The following NT5DC4 variants were observed in gnomAD, a reference collection of about 807,000 sequenced individuals.
NT5DC4 encodes 5'-nucleotidase domain-containing protein 4.
In NT5DC4, 44 loss-of-function variants were observed where a neutral mutation model predicts 26.6. The ratio of observed to expected loss-of-function variants is 1.65; its 90% CI spans 1.30 to 2.13. NT5DC4 has a LOEUF of 2.13. NT5DC4 is among the 30% of genes most tolerant of loss of function. NT5DC4 has a pLI of 0.00. For synonymous variants in NT5DC4, 157 were observed against 86.7 expected (o/e 1.81, Z -4.51); for missense variants, 399 against 228.1 (o/e 1.75, Z -4.83).
At chr2:112,726,130 G>A in intron 13 of NT5DC4, 108 bp from the exon 14 acceptor site, 1 of 696,292 alleles carries the variant, frequency 1.4e-6, no homozygotes, top group Non-Finnish European at 2.7e-6. Context: ...TATGCACACA[G>A]CTCAGGGTGT....
chr2:112,719,293 G>A (rs533346174), upstream of NT5DC4, among the ~76,000 whole-genome samples: 16 of 152,256 alleles, frequency 1.1e-4, no homozygotes, highest in South Asian at 2.5e-3. Context: ...ACTGTTGGGC[G>A]GAACATCGTT....
chr2:112,722,136 G>A (rs764762641), intron 3 of NT5DC4, 33 bp downstream of exon 3: 3 of 708,484 alleles, frequency 4.2e-6, no homozygotes, highest in Admixed American at 2.0e-5. Flanking sequence ...GAGGCCACCC[G>A]GCCTTGGTAC....
At chr2:112,727,054 A>G (rs144796524) in intron 15 of NT5DC4, 28 of 398,074 alleles carry the variant, frequency 7.0e-5, no homozygotes, top group African/African-American at 5.6e-4. Context: ...CTGACTAGCC[A>G]GTTCTGATAG....
Position 112,723,975 on chromosome 2 carries a change from G to A in NT5DC4, c.757-119G>A. On this transcript the variant is annotated intron_variant, in intron 9 of 16. Transcript: ENST00000688554. The stretch of plus-strand genomic sequence containing the variant: ...TGGCCTTTCAAGGCCTCAGAAGAAT[G>A]AGCAACTTTCTCACCATCTTGCTCC... 4.3e-6 allele frequency: 3 copies of A among 704,180 alleles called. No homozygotes were observed. In the South Asian group the frequency reaches 4.5e-5, roughly 11 times the overall value. 43.6% of individuals were successfully genotyped at this position (704,180 alleles called of 1,614,324 possible). A position where few individuals can be genotyped will look rare whatever the true frequency, so the allele number is the denominator to read the frequency against.
rs773063927 is a variant in NT5DC4, at chr2:112,723,728, C to T, written c.682C>T (p.Pro228Ser). The T allele has an allele frequency of 1.4e-4, 100 of 717,214 alleles. No individual in the cohort carries two copies. The Middle Eastern group carries it at 1.6e-3, about 11-fold the overall frequency. 44.4% of individuals were successfully genotyped at this position (717,214 alleles called of 1,614,324 possible). A position where few individuals can be genotyped will look rare whatever the true frequency, so the allele number is the denominator to read the frequency against. The change falls in exon 9 of 17, where the codon CCC (proline) becomes TCC (serine). Residue 228 changes from proline (P) to serine (S), a missense_variant. Transcript: ENST00000688554. ...TCTATCTCTGCCCCAGCCACGCCTC[C>T]CCATCCTGCTGGGGAAGATGAAGGA... ...EKYVKKDPRL[P>S]ILLGKMKEVG...
At chr2:112,734,169 ATGTGTGTGTGTGTGTG>A (rs59851361) in intron 16 of NT5DC4, among the ~76,000 whole-genome samples, 2 of 134,786 alleles carry the variant, frequency 1.5e-5, no homozygotes, top group Admixed American at 1.5e-4. Flanking sequence ...TATTATATAT[ATGTGTGTGTGTGTGTG>A]TGTGTGTGTG....
chr2:112,732,654 C>T (rs1678624868), intron 16 of NT5DC4, among the ~76,000 whole-genome samples: 1 of 152,196 alleles, frequency 6.6e-6, no homozygotes. Context: ...TCTCAGAATT[C>T]CTACCCAGGG....
chr2:112,722,912 G>A (rs1677113748), intron 6 of NT5DC4, 141 bp downstream of exon 6: 3 of 161,448 alleles, frequency 1.9e-5, no homozygotes, highest in East Asian at 1.3e-4. Context: ...TCTATTGCAG[G>A]CTAGCACACA....
chr2:112,725,057 C>G, intron 11 of NT5DC4, 117 bp from the exon 12 acceptor site: 1 of 652,524 alleles, frequency 1.5e-6, no homozygotes. Context: ...TCTGCTGCCT[C>G]CTTCCTCCCA....
intron 16 of NT5DC4, among the ~76,000 whole-genome samples, chr2:112,734,201 G>GTGTA (rs1558742647): frequency 6.6e-6 from 1 of 151,864 alleles, no homozygotes; most frequent in African/African-American, 2.4e-5. Flanking sequence ...GTGTGTGTGT[G>GTGTA]TACATTAGTC....
chr2:112,726,336 TGGAG>T (rs1414769763), intron 14 of NT5DC4, 47 bp downstream of exon 14: 2 of 716,742 alleles, frequency 2.8e-6, no homozygotes, highest in South Asian at 3.0e-5. Flanking sequence ...GGGAGAGGTA[TGGAG>T]GGGCAGTGGC....
intron 16 of NT5DC4, among the ~76,000 whole-genome samples, chr2:112,730,852 T>A (rs1367001462): frequency 1.3e-5 from 2 of 152,202 alleles, no homozygotes; most frequent in Non-Finnish European, 2.9e-5. Flanking sequence ...TTCACAGGCT[T>A]TAATCAGTGG....
chr2:112,731,860 A>C (rs926351981), intron 16 of NT5DC4, among the ~76,000 whole-genome samples: 7 of 151,994 alleles, frequency 4.6e-5, no homozygotes, highest in African/African-American at 1.7e-4. Flanking sequence ...AACAATGGCA[A>C]CACTTAGATA....
intron 4 of NT5DC4, 49 bp from the exon 5 acceptor site, chr2:112,722,434 T>C: frequency 2.8e-6 from 2 of 716,478 alleles, no homozygotes; most frequent in Non-Finnish European, 5.2e-6. Context: ...GGCCAGAGCC[T>C]GGACAGGCCT....
chr2:112,719,777 C>T (rs761300208), upstream of NT5DC4, among the ~76,000 whole-genome samples: 27 of 151,852 alleles, frequency 1.8e-4, no homozygotes, highest in Non-Finnish European at 3.1e-4. Flanking sequence ...AGCCACTGCG[C>T]CAGGCCCTTT....
rs76587127 is a variant in NT5DC4 at position 112,738,745 on chromosome 2, T to C, written c.1345-168T>C. The stretch of plus-strand genomic sequence containing the variant: ...CTGCATCCATGATGCCTCTCTTTTT[T>C]TCCAGGTCACTTGGACAAGAATATT... On this transcript the variant is annotated intron_variant, in intron 16 of 16. Coordinates refer to ENST00000688554, the MANE Select transcript of NT5DC4 (RefSeq NM_001393655.1). The C allele has an allele frequency of 8.6e-4, 828 of 965,864 alleles. 6 individuals carry two copies. The African/African-American group carries it at 0.011, about 12-fold the overall frequency. 59.8% of individuals were successfully genotyped at this position (965,864 alleles called of 1,614,324 possible).
chr2:112,725,930 G>A (rs1188678629), intron 13 of NT5DC4, among the ~76,000 whole-genome samples: 1 of 149,308 alleles, frequency 6.7e-6, no homozygotes, highest in Non-Finnish European at 1.5e-5. Flanking sequence ...ATCCTCCAGG[G>A]CAGGGAGTTG....
chr2:112,739,418 T>A (rs1283739699), downstream of NT5DC4, among the ~76,000 whole-genome samples: 4 of 151,950 alleles, frequency 2.6e-5, no homozygotes, highest in Non-Finnish European at 5.9e-5. Context: ...AAGACCCCAG[T>A]CTCAAAAAAA....
In NT5DC4 at chr2:112,723,118, T is replaced by TC. The variant is rs1385749066; in HGVS notation, c.567dup (p.Phe190LeufsTer10). 15 of 717,096 alleles carry TC rather than the reference T, an allele frequency of 2.1e-5. No individual in the cohort carries two copies. The highest frequency in any genetic ancestry group is 3.9e-5 in the Non-Finnish European group (15 of 385,004). 44.4% of individuals were successfully genotyped at this position (717,096 alleles called of 1,614,324 possible). The stretch of plus-strand genomic sequence containing the variant: ...CTATCAGCATGGGAACCTCTTCATG[T>TC]CCTTCCGAAGCCTCTTCCAGGATGT... On this transcript the variant is annotated frameshift_variant, in exon 7 of 17. Transcript: ENST00000688554. LOFTEE classifies it high-confidence loss of function.
Sources: allele counts gnomAD v4.1 joint callset (sites outside exome capture counted in the v4.1 genomes callset), GRCh38; gene constraint gnomAD v4.1.1; transcripts MANE v1.5; gene names NCBI Gene and HGNC (gene_info 2026-07-23, HGNC 2026-07-21).